CMTM4: variants seen among roughly 807,000 people sequenced by gnomAD.
The protein encoded by CMTM4 is CKLF-like MARVEL transmembrane domain-containing protein 4.
Under a neutral mutation model 19.0 loss-of-function variants are expected in CMTM4, and 8 were observed. The observed-to-expected ratio is 0.42, with a 90% confidence interval of 0.25 to 0.76. The LOEUF is 0.76. Among genes scored for constraint, CMTM4 ranks in the 30% least tolerant of loss-of-function variants. The pLI is 0.27. For synonymous variants in CMTM4, 106 were observed against 121.1 expected, an observed-to-expected ratio of 0.88 and a Z score of 0.82; for missense variants, 228 against 290.2, an observed-to-expected ratio of 0.79 and a Z score of 1.56.
rs1015773026 is a variant in CMTM4 at position 66,618,381 on chromosome 16, T to C, written c.*3677A>G. On this transcript the variant is annotated 3_prime_UTR_variant, in exon 4 of 4. Transcript: ENST00000394106. ...ACACAGATGAGACAATAGGAACCCT[T>C]AAATCATCACTGCCTTGCAGAATCA... The C allele has an allele frequency of 1.0e-6, 1 of 985,448 alleles. No individual in the cohort carries two copies. Among genetic ancestry groups the C allele is most frequent in the Non-Finnish European group, 1.2e-6 (1 of 829,938 alleles). 61.0% of individuals were successfully genotyped at this position (985,448 alleles called of 1,614,324 possible). A position where few individuals can be genotyped will look rare whatever the true frequency, so the allele number is the denominator to read the frequency against.
intron 2 of CMTM4, among the ~76,000 whole-genome samples, chr16:66,634,942 CTTCT>C (rs1201960420): frequency 6.6e-6 from 1 of 152,180 alleles, no homozygotes. Context: ...CCAGCAGCTG[CTTCT>C]TTGTCAAACA....
chr16:66,658,911 T>C (rs2016451389), intron 1 of CMTM4, among the ~76,000 whole-genome samples: 5 of 152,156 alleles, frequency 3.3e-5, no homozygotes, highest in Admixed American at 3.3e-4. Context: ...CAATCAATCT[T>C]GGCTTCACTA....
chr16:66,621,889 A>T lies in CMTM4; in HGVS notation c.*169T>A. On this transcript the variant is annotated 3_prime_UTR_variant, in exon 4 of 4. Coordinates refer to ENST00000394106, the MANE Select transcript of CMTM4 (RefSeq NM_181521.3). ...TGAGGAACGTGGGCCTCCCAACTCCACCGCGGACCCGCCCACTGGGCCACT... is the reference window on the plus strand; with the variant it reads ...TGAGGAACGTGGGCCTCCCAACTCCTCCGCGGACCCGCCCACTGGGCCACT... The T allele has an allele frequency of 9.8e-6, 14 of 1,427,574 alleles. No individual in the cohort carries two copies. Among genetic ancestry groups the T allele is most frequent in the Non-Finnish European group, 1.3e-5 (14 of 1,093,902 alleles). The allele number at this position is 1,427,574 out of a possible 1,614,324, so 88.4% of individuals were successfully genotyped here. A position where few individuals can be genotyped will look rare whatever the true frequency, so the allele number is the denominator to read the frequency against.
downstream of CMTM4, chr16:66,612,679 C>T: frequency 6.2e-7 from 1 of 1,605,266 alleles, no homozygotes; most frequent in Non-Finnish European, 8.5e-7. This position sits in a 1 kb window ranked among gnomAD's most constrained non-coding sequence, Gnocchi z 6.0. Context: ...ACACAGGCCT[C>T]CACCCCTGCG....
At chr16:66,659,510 A>G (rs1596940912) in intron 1 of CMTM4, among the ~76,000 whole-genome samples, 1 of 152,294 alleles carries the variant, frequency 6.6e-6, no homozygotes, top group East Asian at 1.9e-4. Context: ...ATTAAGAGAG[A>G]CTTCAGACAC....
Position 66,620,357 on chromosome 16 carries a change from C to CT in CMTM4, c.*1700dup. The CT allele has an allele frequency of 4.1e-6, 4 of 985,504 alleles. No individual in the cohort carries two copies. The highest frequency in any genetic ancestry group is 4.8e-6 in the Non-Finnish European group (4 of 829,988). 61.0% of individuals were successfully genotyped at this position (985,504 alleles called of 1,614,324 possible). On this transcript the variant is annotated 3_prime_UTR_variant, in exon 4 of 4. Coordinates refer to ENST00000394106, the MANE Select transcript of CMTM4 (RefSeq NM_181521.3). ...AGAGGGGAGACGAGTTGTTAACAGG[C>CT]TAGCAGGGTCAGCCCCTGAGGCAGA...
intron 1 of CMTM4, among the ~76,000 whole-genome samples, chr16:66,668,957 T>C (rs2016654385): frequency 6.6e-6 from 1 of 152,354 alleles, no homozygotes; most frequent in East Asian, 1.9e-4. Flanking sequence ...AAACACGTAC[T>C]CTATGACCCA....
chr16:66,637,230 T>C (rs2016010397), intron 1 of CMTM4, among the ~76,000 whole-genome samples: 2 of 152,188 alleles, frequency 1.3e-5, no homozygotes, highest in Admixed American at 1.3e-4. Flanking sequence ...TAAAAAACAT[T>C]AAGAAATCTA....
At chr16:66,608,824 T>G in the CMTM4 span, among the ~76,000 whole-genome samples, 1 of 152,222 alleles carries the variant, frequency 6.6e-6, no homozygotes, top group Admixed American at 6.5e-5. The surrounding 1 kb of genome is among the most constrained non-coding windows in gnomAD (Gnocchi z 5.1). Context: ...CTTGCAGGGC[T>G]TACCCAGACT....
the CMTM4 span, chr16:66,604,960 C>T: frequency 6.7e-7 from 1 of 1,491,336 alleles, no homozygotes; most frequent in Non-Finnish European, 8.8e-7. Flanking sequence ...TCGGTGAGTG[C>T]GGCGGGACCC....
At chr16:66,672,320 A>G (rs2016722992) in intron 1 of CMTM4, among the ~76,000 whole-genome samples, 1 of 149,536 alleles carries the variant, frequency 6.7e-6, no homozygotes, top group Non-Finnish European at 1.5e-5. Flanking sequence ...CAGGAGAATC[A>G]CTTGAACCCA....
chr16:66,644,112 C>T (rs2016146662), intron 1 of CMTM4, among the ~76,000 whole-genome samples: 1 of 152,124 alleles, frequency 6.6e-6, no homozygotes, highest in African/African-American at 2.4e-5. Flanking sequence ...TGTACCAGAT[C>T]GCATCTTGAT....
chr16:66,681,050 C>T (rs1290232734), intron 1 of CMTM4, among the ~76,000 whole-genome samples: 9 of 151,986 alleles, frequency 5.9e-5, no homozygotes, highest in South Asian at 2.1e-4. Flanking sequence ...TATTTTAAAA[C>T]GTAAAAAAGT....
chr16:66,623,440 A>G lies in CMTM4; in HGVS notation c.426T>C (p.Ala142=). The G allele has an allele frequency of 6.2e-7, 1 of 1,614,060 alleles. No individual in the cohort carries two copies. Among genetic ancestry groups the G allele is most frequent in the Non-Finnish European group, 8.5e-7 (1 of 1,179,972 alleles). The change falls in exon 3 of 4, where the codon GCT becomes GCC. Residue 142 remains alanine, a synonymous_variant. Coordinates refer to ENST00000394106, the MANE Select transcript of CMTM4 (RefSeq NM_181521.3). ...LFFIASIVLA[A]LNHRAGAEIA... is the part of the protein sequence containing the mutation. ...TTTCTGCTCCGGCTCTATGGTTTAA[A>G]GCAGCCAGTACGATTGAAGCAATAA...
intron 1 of CMTM4, among the ~76,000 whole-genome samples, chr16:66,645,034 A>G (rs2016165799): frequency 6.6e-6 from 1 of 152,230 alleles, no homozygotes; most frequent in South Asian, 2.1e-4. Context: ...CTGTAATCCC[A>G]GCACTTTGGG....
At chr16:66,649,536 C>G (rs1205061256) in intron 1 of CMTM4, among the ~76,000 whole-genome samples, 1 of 151,628 alleles carries the variant, frequency 6.6e-6, no homozygotes, top group African/African-American at 2.4e-5. Flanking sequence ...ATTTCCATGA[C>G]AGGTCATTTC....
chr16:66,640,343 G>A (rs1476731519), intron 1 of CMTM4, among the ~76,000 whole-genome samples: 3 of 152,188 alleles, frequency 2.0e-5, no homozygotes, highest in Non-Finnish European at 4.4e-5. Flanking sequence ...TAGACAGAGT[G>A]TCCCTGGAGG....
chr16:66,670,934 CCTAA>C (rs1404968906), intron 1 of CMTM4, among the ~76,000 whole-genome samples: 2 of 152,084 alleles, frequency 1.3e-5, no homozygotes, highest in East Asian at 1.9e-4. Context: ...ACAATGTAGA[CCTAA>C]CTGTTAATGG....
chr16:66,630,303 CCCCTCA>C (rs1438281253), intron 2 of CMTM4, among the ~76,000 whole-genome samples: 6 of 108,570 alleles, frequency 5.5e-5, no homozygotes, highest in Non-Finnish European at 9.7e-5. Context: ...TCTCCCCCTC[CCCCTCA>C]CCCTCCCCCT....
Sources: allele counts gnomAD v4.1 joint callset (sites outside exome capture counted in the v4.1 genomes callset), GRCh38; gene constraint gnomAD v4.1.1; non-coding constraint Gnocchi (gnomAD v3.1); transcripts MANE v1.5; gene names NCBI Gene and HGNC (gene_info 2026-07-23, HGNC 2026-07-21).